The following EYA2 variants were observed in gnomAD, a reference collection of about 807,000 sequenced individuals.
EYA2 encodes the protein protein phosphatase EYA2.
EYA2 carries 31 observed loss-of-function variants against 69.2 expected under a neutral mutation model. That is an observed-to-expected ratio of 0.45 (90% CI 0.34 to 0.60). The LOEUF (loss-of-function observed/expected upper bound fraction) is 0.60. Ranked by LOEUF, EYA2 falls within the 20% of genes least tolerant of loss-of-function variation. The pLI, the probability that EYA2 is intolerant of heterozygous loss-of-function variation, is 0.02. For synonymous variants in EYA2, 257 were observed against 279.4 expected (o/e 0.92, Z 0.80); for missense variants, 622 against 701.2 (o/e 0.89, Z 1.28).
intron 1 of EYA2, among the ~76,000 whole-genome samples, chr20:46,937,063 G>A (rs960630699): frequency 3.3e-5 from 5 of 152,150 alleles, no homozygotes; most frequent in Non-Finnish European, 7.4e-5. Flanking sequence ...TGTGAAGAAA[G>A]AGACAACACT....
intron 9 of EYA2, among the ~76,000 whole-genome samples, chr20:47,104,915 G>A (rs1014308464): frequency 6.6e-6 from 1 of 152,164 alleles, no homozygotes; most frequent in African/African-American, 2.4e-5. Context: ...CAGCTACTTG[G>A]GAGGCTTAGG....
Position 47,089,266 on chromosome 20 carries a change from C to G in EYA2, c.689C>G (p.Ser230Cys), listed in dbSNP as rs770581334. 1 of 1,614,192 alleles carries G rather than the reference C, an allele frequency of 6.2e-7. No individual in the cohort carries two copies. Among genetic ancestry groups the G allele is most frequent in the Non-Finnish European group, 8.5e-7 (1 of 1,180,030 alleles). Residue 230 changes from serine to cysteine, a missense_variant, in exon 8 of 16, where the codon TCC becomes TGC. Coordinates refer to ENST00000327619, the MANE Select transcript of EYA2 (RefSeq NM_005244.5). ...AGEYNTHNGP[S>C]TPAKEGDTDR... ...GAATACAACACACACAATGGACCTT[C>G]CACACCAGCGAAAGAGGGAGACACA...
At chr20:46,933,790 G>A (rs539870181) in intron 1 of EYA2, among the ~76,000 whole-genome samples, 1 of 152,322 alleles carries the variant, frequency 6.6e-6, no homozygotes, top group Admixed American at 6.5e-5. Context: ...CTTGCCTATG[G>A]GGCTTTTGCA....
intron 9 of EYA2, among the ~76,000 whole-genome samples, chr20:47,106,563 C>CA (rs903811466): frequency 5.3e-5 from 8 of 152,214 alleles, no homozygotes; most frequent in Non-Finnish European, 8.8e-5. Flanking sequence ...GTCCTCTGTC[C>CA]ACTTACGACA....
chr20:46,956,956 A>G (rs1979160219), intron 1 of EYA2, among the ~76,000 whole-genome samples: 1 of 152,238 alleles, frequency 6.6e-6, no homozygotes, highest in Non-Finnish European at 1.5e-5. Flanking sequence ...TCACAAGAAC[A>G]GCATGGGAAA....
chr20:46,912,802 G>A (rs953007002), intron 1 of EYA2, among the ~76,000 whole-genome samples: 11 of 150,762 alleles, frequency 7.3e-5, no homozygotes, highest in African/African-American at 1.2e-4. Context: ...CCGGGTTCAC[G>A]CCATTCTCCT....
At chr20:46,899,164 C>T (rs915630414) in intron 1 of EYA2, among the ~76,000 whole-genome samples, 26 of 152,140 alleles carry the variant, frequency 1.7e-4, no homozygotes, top group Admixed American at 1.1e-3. Context: ...AAAATGAAAT[C>T]TACGCTTTTG....
chr20:46,983,873 C>G (rs1474522944), intron 1 of EYA2, among the ~76,000 whole-genome samples: 1 of 152,126 alleles, frequency 6.6e-6, no homozygotes, highest in Non-Finnish European at 1.5e-5. Flanking sequence ...TGTTTTTCAT[C>G]TCTCTGGGAT....
intron 10 of EYA2, among the ~76,000 whole-genome samples, chr20:47,148,058 C>CAAAAAAAAAAAAAAAAAAAAAAAAAAAA (rs1264883844): frequency 1.2e-5 from 1 of 82,838 alleles, no homozygotes; most frequent in African/African-American, 4.9e-5. Context: ...GACTCTGTCT[C>CAAAAAAAAAAAAAAAAAAAAAAAAAAAA]AAAAAAAAAA....
chr20:47,057,341 A>G (rs1037143636), intron 5 of EYA2, among the ~76,000 whole-genome samples: 1 of 152,158 alleles, frequency 6.6e-6, no homozygotes, highest in Non-Finnish European at 1.5e-5. Context: ...TATTCTGGGT[A>G]AAGAAAAGAA....
intron 4 of EYA2, among the ~76,000 whole-genome samples, chr20:47,010,736 G>C (rs1286498415): frequency 6.6e-6 from 1 of 150,648 alleles, no homozygotes; most frequent in Non-Finnish European, 1.5e-5. Flanking sequence ...TGGAACCTGT[G>C]ATTTCTTGGT....
At chr20:47,015,341 ATTAGT>A (rs1983343729) in intron 4 of EYA2, among the ~76,000 whole-genome samples, 1 of 152,206 alleles carries the variant, frequency 6.6e-6, no homozygotes, top group Non-Finnish European at 1.5e-5. Context: ...TGTTCATGGA[ATTAGT>A]ACCTATGCTT....
chr20:47,155,322 G>T (rs976519567), intron 10 of EYA2, among the ~76,000 whole-genome samples: 15 of 151,978 alleles, frequency 9.9e-5, no homozygotes, highest in Admixed American at 6.5e-4. Context: ...TCGCCTGGAG[G>T]TGATCAAAGC....
At chr20:47,183,642 G>C (rs2273104) in intron 15 of EYA2, among the ~76,000 whole-genome samples, 1 of 152,134 alleles carries the variant, frequency 6.6e-6, no homozygotes, top group Admixed American at 6.5e-5. Context: ...ACAACTGTTC[G>C]GGAGCCTAGA....
At chr20:47,149,044 T>G (rs1377219162) in intron 10 of EYA2, among the ~76,000 whole-genome samples, 1 of 151,486 alleles carries the variant, frequency 6.6e-6, no homozygotes, top group Non-Finnish European at 1.5e-5. Flanking sequence ...GCTACTGCAC[T>G]CCAGCCTGGG....
intron 1 of EYA2, among the ~76,000 whole-genome samples, chr20:46,933,571 G>C (rs534197566): frequency 6.6e-6 from 1 of 152,324 alleles, no homozygotes; most frequent in South Asian, 2.1e-4. Flanking sequence ...CTCTGTTATT[G>C]AGGAAGCAAC....
At chr20:46,974,188 A>G (rs888095044) in intron 1 of EYA2, among the ~76,000 whole-genome samples, 1 of 152,250 alleles carries the variant, frequency 6.6e-6, no homozygotes, top group Non-Finnish European at 1.5e-5. Context: ...GCTCATAGAC[A>G]GTGCTTAGTC....
At chr20:47,151,144 G>A (rs532705228) in intron 10 of EYA2, among the ~76,000 whole-genome samples, 3 of 152,098 alleles carry the variant, frequency 2.0e-5, no homozygotes, top group Admixed American at 1.3e-4. Flanking sequence ...GTCGAAGCAG[G>A]TGTATCACTT....
chr20:47,121,169 A>G (rs1365074826), intron 9 of EYA2, among the ~76,000 whole-genome samples: 1 of 152,104 alleles, frequency 6.6e-6, no homozygotes, highest in Non-Finnish European at 1.5e-5. Flanking sequence ...ACCTCAGCTC[A>G]CTGCAACCTC....
Sources: gnomAD v4.1 joint callset for allele counts (sites outside exome capture counted in the v4.1 genomes callset) on GRCh38, gnomAD v4.1.1 for gene constraint, MANE v1.5 for transcripts, NCBI Gene and HGNC (gene_info 2026-07-23, HGNC 2026-07-21) for gene names.